Variants in LONP2 observed in about 807,000 individuals in gnomAD.
LONP2 encodes lon peptidase 2, peroxisomal.
Under a neutral mutation model 85.6 loss-of-function variants are expected in LONP2, and 60 were observed. That is an observed-to-expected ratio of 0.70 (90% CI 0.57 to 0.87). The LOEUF is 0.87. Among genes scored for constraint, LONP2 ranks in the 40% least tolerant of loss-of-function variants. The probability of loss-of-function intolerance (pLI) is 0.00; values close to 1 mark genes in which losing one functional copy is unlikely to be tolerated. For synonymous variants in LONP2, 395 were observed against 389.7 expected (o/e 1.01, Z -0.16); for missense variants, 860 against 1,063.5 (o/e 0.81, Z 2.66).
At chr16:48,318,244 TGTG>T (rs1458738163) in intron 11 of LONP2, among the ~76,000 whole-genome samples, 1 of 152,040 alleles carries the variant, frequency 6.6e-6, no homozygotes, top group Non-Finnish European at 1.5e-5. Flanking sequence ...AAAAGCCAGG[TGTG>T]GTGGCTAACA....
Position 48,244,317 on chromosome 16 carries a change from A to G in LONP2, c.-72A>G. On this transcript the variant is annotated 5_prime_UTR_variant, in exon 1 of 15. Coordinates refer to ENST00000285737, the MANE Select transcript of LONP2 (RefSeq NM_031490.5). ...GTGGAGGCGGGTCTGAGGTTTGGTG[A>G]CTGCGGGGCAGGCCGGGGGCAGCTG... 1.7e-6 allele frequency: 2 copies of G among 1,169,316 alleles called. No individual in the cohort carries two copies. Among genetic ancestry groups the G allele is most frequent in the Non-Finnish European group, 2.3e-6 (2 of 867,230 alleles). The allele number at this position is 1,169,316 out of a possible 1,614,324, so 72.4% of individuals were successfully genotyped here.
rs1426898048 is a variant in LONP2, at chr16:48,262,812, G to C, written c.922G>C (p.Ala308Pro). The C allele has an allele frequency of 2.5e-6, 4 of 1,612,186 alleles. No homozygotes were observed. The highest frequency in any genetic ancestry group is 3.4e-6 in the Non-Finnish European group (4 of 1,178,970). Residue 308 changes from alanine to proline, a missense_variant, in exon 6 of 15, where the codon GCT (alanine) becomes CCT (proline). This residue lies in a region of LONP2 where 743 missense variants were observed against 917.3 expected (regional missense o/e 0.81). Coordinates refer to ENST00000285737, the MANE Select transcript of LONP2 (RefSeq NM_031490.5). ...KKMPQSMPEY[A>P]LTRNYLELMV... ...AATGCCTCAGTCAATGCCAGAATAT[G>C]CTCTGACTAGAAATTATTTGGAACT...
intron 3 of LONP2, among the ~76,000 whole-genome samples, chr16:48,258,069 C>T (rs1197562734): frequency 2.6e-5 from 4 of 152,090 alleles, no homozygotes; most frequent in Admixed American, 6.5e-5. Flanking sequence ...CAGCTTCGGC[C>T]GGGCGCAGTG....
chr16:48,297,821 T>C (rs1165333404), intron 9 of LONP2, among the ~76,000 whole-genome samples: 2 of 152,084 alleles, frequency 1.3e-5, no homozygotes, highest in Non-Finnish European at 2.9e-5. Flanking sequence ...TGCCTCAGCC[T>C]CACAAGTAGC....
intron 11 of LONP2, among the ~76,000 whole-genome samples, chr16:48,312,087 T>C (rs148234889): frequency 6.6e-6 from 1 of 152,020 alleles, no homozygotes; most frequent in African/African-American, 2.4e-5. Context: ...ATTACAAGCG[T>C]GCGTTACCAT....
chr16:48,327,048 G>T (rs1424432659), intron 11 of LONP2, among the ~76,000 whole-genome samples: 1 of 152,198 alleles, frequency 6.6e-6, no homozygotes, highest in East Asian at 1.9e-4. Context: ...CCCTTCGGGG[G>T]TACACCGCAT....
rs193261819 is a variant in LONP2 at position 48,254,802 on chromosome 16, C to T, written c.469-1808C>T. Among the ~76,000 whole-genome samples the T allele has an allele frequency of 8.5e-4, 129 of 152,254 alleles. 1 individual carries two copies. The highest frequency in any genetic ancestry group is 3.1e-3 in the African/African-American group (127 of 41,546). On this transcript the variant is annotated intron_variant, in intron 2 of 14. Transcript: ENST00000285737. ...CTCTACCAAACTTGAATTCACTTTT[C>T]TCCTTTAGCCATCCTGTACTGAGCA...
intron 7 of LONP2, among the ~76,000 whole-genome samples, chr16:48,270,724 G>A (rs933989559): frequency 2.6e-5 from 4 of 152,094 alleles, no homozygotes; most frequent in African/African-American, 9.7e-5. Flanking sequence ...TCTTATGAAG[G>A]TTGGTTTGTA....
chr16:48,253,115 T>C (rs983399006), intron 2 of LONP2, among the ~76,000 whole-genome samples: 4 of 152,156 alleles, frequency 2.6e-5, no homozygotes, highest in Admixed American at 2.6e-4. Context: ...CAGTGGTATT[T>C]GTATCTGATG....
chr16:48,335,577 CCTT>C (rs1385785478), intron 12 of LONP2, among the ~76,000 whole-genome samples: 1 of 152,224 alleles, frequency 6.6e-6, no homozygotes, highest in Admixed American at 6.5e-5. Flanking sequence ...ATCATCACCT[CCTT>C]ATCAGTTTAA....
intron 8 of LONP2, among the ~76,000 whole-genome samples, chr16:48,280,668 G>A (rs1377393963): frequency 1.3e-5 from 2 of 152,150 alleles, no homozygotes; most frequent in Non-Finnish European, 2.9e-5. Context: ...GTTATGAATA[G>A]CATTGGTTCC....
chr16:48,277,192 A>C (rs1431919313), intron 7 of LONP2, 146 bp from the exon 8 acceptor site: 13 of 616,206 alleles, frequency 2.1e-5, no homozygotes, highest in Non-Finnish European at 8.0e-6. Context: ...GATTTATCAT[A>C]GTGCCTTTTA....
chr16:48,286,202 C>T (rs111504424), intron 8 of LONP2, among the ~76,000 whole-genome samples: 10 of 146,534 alleles, frequency 6.8e-5, no homozygotes, highest in South Asian at 4.3e-4. Flanking sequence ...AGTGCAGTGG[C>T]GGGATCTTGG....
chr16:48,348,248 A>G lies in LONP2; in HGVS notation c.2295A>G (p.Val765=). Residue 765 remains valine (V), a synonymous_variant, in exon 14 of 15, where the codon GTA becomes GTG. Transcript: ENST00000285737. ...LFSGRLVRSD[V]AMTGEITLRG... Reference sequence around the variant, plus strand: ...GTGGGCGGCTGGTACGTTCAGATGTAGCCATGACTGGAGAAATTACACTGA... The same window carrying G: ...GTGGGCGGCTGGTACGTTCAGATGTGGCCATGACTGGAGAAATTACACTGA... The G allele has an allele frequency of 6.3e-7, 1 of 1,575,668 alleles. No homozygotes were observed. The highest frequency in any genetic ancestry group is 8.6e-7 in the Non-Finnish European group (1 of 1,163,294).
At chr16:48,287,511 T>G (rs1015494479) in intron 8 of LONP2, among the ~76,000 whole-genome samples, 4 of 152,260 alleles carry the variant, frequency 2.6e-5, no homozygotes, top group Admixed American at 6.5e-5. Flanking sequence ...GAGTGTTCTC[T>G]GAGTTAAGTC....
chr16:48,312,695 A>G (rs1973059367), intron 11 of LONP2, among the ~76,000 whole-genome samples: 1 of 152,024 alleles, frequency 6.6e-6, no homozygotes, highest in African/African-American at 2.4e-5. Flanking sequence ...GTCGTGCAAA[A>G]CTTGCTTTCT....
intron 11 of LONP2, among the ~76,000 whole-genome samples, chr16:48,305,518 G>A (rs1229767473): frequency 1.3e-5 from 2 of 152,202 alleles, no homozygotes; most frequent in Non-Finnish European, 2.9e-5. Context: ...GCCTGCCAAA[G>A]TGCTGGGATT....
In LONP2 at chr16:48,347,708, A is replaced by T. The variant is rs774343767; in HGVS notation, c.2140A>T (p.Thr714Ser). ...CAGCAACGCAAAGAAGTACCAGCTG[A>T]CCAATGGTAGGAGCCTGCACCCGGC... Reference protein sequence around the residue: ...LRSNAKKYQLTNAFGSFDLLD... With the variant: ...LRSNAKKYQLSNAFGSFDLLD... Residue 714 changes from threonine (T) to serine (S), a missense_variant, in exon 13 of 15, where the codon ACC (threonine) becomes TCC (serine). Physicochemically the swap from Thr to Ser is moderately conservative, Grantham distance 58. This residue lies in a region of LONP2 where 743 missense variants were observed against 917.3 expected (regional missense o/e 0.81). Transcript: ENST00000285737. 9.3e-6 allele frequency: 15 copies of T among 1,612,696 alleles called. No individual in the cohort carries two copies. The highest frequency in any genetic ancestry group is 1.3e-5 in the Non-Finnish European group (15 of 1,179,682).
At chr16:48,294,492 G>A (rs956628415) in intron 8 of LONP2, among the ~76,000 whole-genome samples, 22 of 152,182 alleles carry the variant, frequency 1.4e-4, no homozygotes, top group East Asian at 1.9e-4. Context: ...GGGGCTGGGC[G>A]TGGTAGCGCA....
Sources: allele counts gnomAD v4.1 joint callset (sites outside exome capture counted in the v4.1 genomes callset), GRCh38; gene constraint gnomAD v4.1.1; regional missense constraint gnomAD v4.1.1; transcripts MANE v1.5; gene names NCBI Gene and HGNC (gene_info 2026-07-23, HGNC 2026-07-21).